The following NUP133 variants were observed in gnomAD, a reference collection of about 807,000 sequenced individuals.
NUP133 encodes the protein nucleoporin 133, also known as nuclear pore complex protein Nup133.
In NUP133, 66 loss-of-function variants were observed where a neutral mutation model predicts 146.2. That is an observed-to-expected ratio of 0.45 (90% CI 0.37 to 0.55). The LOEUF is 0.55. NUP133 is among the 20% of genes least tolerant of loss of function. The probability of loss-of-function intolerance (pLI) is 0.00; values close to 1 mark genes in which losing one functional copy is unlikely to be tolerated. For synonymous variants in NUP133, 521 were observed against 498.8 expected (o/e 1.04, Z -0.59); for missense variants, 1,277 against 1,374.8 (o/e 0.93, Z 1.12).
chr1:229,450,680 A>AGTC, intron 22 of NUP133, 75 bp from the exon 23 acceptor site: 2 of 684,556 alleles, frequency 2.9e-6, no homozygotes, highest in Non-Finnish European at 4.9e-6. Context: ...GGAGAAAAGA[A>AGTC]GTCATTATGT....
chr1:229,464,984 A>G (rs1660778998), intron 17 of NUP133, 109 bp from the exon 18 acceptor site: 1 of 1,300,356 alleles, frequency 7.7e-7, no homozygotes, highest in Non-Finnish European at 1.1e-6. Flanking sequence ...GGAAAATTAC[A>G]TTGAACAGGG....
chr1:229,476,013 C>T (rs892087710), intron 13 of NUP133, among the ~76,000 whole-genome samples: 2 of 151,284 alleles, frequency 1.3e-5, no homozygotes, highest in Non-Finnish European at 2.9e-5. Flanking sequence ...GAGGCTGAGG[C>T]AAGAGAATTG....
In NUP133 at chr1:229,448,816, G is replaced by C. The variant is rs535954465; in HGVS notation, c.3245+310C>G. The C allele has an allele frequency of 1.6e-4, 60 of 368,390 alleles. No individual in the cohort carries two copies. The South Asian group carries it at 1.7e-3, about 11-fold the overall frequency. The allele number at this position is 368,390 out of a possible 1,614,324, so 22.8% of individuals were successfully genotyped here. ...CAAATTAATCAAACCCAAGGAGGGG[G>C]TTGTGGGAACCCCAATTTATAGCTG... On this transcript the variant is annotated intron_variant, in intron 24 of 25. Coordinates refer to ENST00000261396, the MANE Select transcript of NUP133 (RefSeq NM_018230.3).
chr1:229,499,797 T>C lies in NUP133; in HGVS notation c.535A>G (p.Thr179Ala), dbSNP rs1661751540. Reference protein sequence around the residue: ...STQAVAVMVATREGSIRYWPS... With the variant: ...STQAVAVMVAAREGSIRYWPS... ...CAATAGCGGATAGATCCTTCTCTGG[T>C]GGCAACCATGACAGCAACAGCCTCA... Residue 179 changes from threonine (T) to alanine (A), a missense_variant, in exon 5 of 26, where the codon ACC (threonine) becomes GCC (alanine). Thr to Ala is a moderately conservative substitution (Grantham distance 58, BLOSUM62 0). Transcript: ENST00000261396. 1 of 1,613,720 alleles carries C rather than the reference T, an allele frequency of 6.2e-7. No homozygotes were observed. Among genetic ancestry groups the C allele is most frequent in the African/African-American group, 1.3e-5 (1 of 74,924 alleles).
chr1:229,458,240 C>T lies in NUP133; in HGVS notation c.2901G>A (p.Lys967=), dbSNP rs1157438933. 1.6e-5 allele frequency: 26 copies of T among 1,613,452 alleles called. No individual in the cohort carries two copies. The highest frequency in any genetic ancestry group is 1.9e-5 in the Non-Finnish European group (23 of 1,179,668). Residue 967 remains lysine, a synonymous_variant, in exon 21 of 26, where the codon AAG becomes AAA. Coordinates refer to ENST00000261396, the MANE Select transcript of NUP133 (RefSeq NM_018230.3). ...ATTTACTCAAGCCAAGAAGGGTTTTCTTCTTTGCAAAGTAACGAGTTTCCA... is the reference window on the plus strand; with the variant it reads ...ATTTACTCAAGCCAAGAAGGGTTTTTTTCTTTGCAAAGTAACGAGTTTCCA... The part of the protein sequence containing the change: ...ANMETRYFAK[K]KTLLGLSKLA...
intron 14 of NUP133, among the ~76,000 whole-genome samples, chr1:229,474,066 A>G (rs971342132): frequency 6.6e-6 from 1 of 152,264 alleles, no homozygotes; most frequent in Non-Finnish European, 1.5e-5. Context: ...TACAGCTTCT[A>G]TGTTCATCTG....
chr1:229,489,862 C>G (rs1661463386), intron 9 of NUP133, 93 bp downstream of exon 9: 2 of 1,208,536 alleles, frequency 1.7e-6, no homozygotes, highest in Non-Finnish European at 2.2e-6. Flanking sequence ...GGTGACAGAG[C>G]AAAACTCTTT....
At chr1:229,449,641 G>C (rs1427911935) in intron 23 of NUP133, among the ~76,000 whole-genome samples, 3 of 151,580 alleles carry the variant, frequency 2.0e-5, no homozygotes, top group Middle Eastern at 3.4e-3. Flanking sequence ...AAAGTGCTAG[G>C]ATTACAGGTG....
In NUP133 at chr1:229,464,822, C is replaced by T; in HGVS notation, c.2353G>A (p.Val785Ile). 6.2e-7 allele frequency: 1 copy of T among 1,614,204 alleles called. No homozygotes were observed. The highest frequency in any genetic ancestry group is 8.5e-7 in the Non-Finnish European group (1 of 1,180,042). ...RTVIIRQHEIVLKVAYPQADS... is the reference protein window; with the variant it reads ...RTVIIRQHEIILKVAYPQADS... ...GCCTGTGGATAAGCCACCTTCAGGA[C>T]AATCTCATGCTGGCGTATTATTACC... The change falls in exon 18 of 26, where the codon GTC becomes ATC. Residue 785 changes from valine to isoleucine, a missense_variant. Val to Ile is a conservative substitution (Grantham distance 29). This residue lies in a region of NUP133 where 952 missense variants were observed against 1,047.0 expected (regional missense o/e 0.91). Transcript: ENST00000261396.
rs371464001 is a variant in NUP133 at position 229,440,557 on chromosome 1, C to T, written c.*1347G>A. The T allele has an allele frequency of 1.3e-5, 2 of 152,278 alleles. No individual in the cohort carries two copies. Among genetic ancestry groups the T allele is most frequent in the East Asian group, 1.9e-4 (1 of 5,202 alleles). The allele number at this position is 152,278 out of a possible 1,614,324, so 9.4% of individuals were successfully genotyped here. A position where few individuals can be genotyped will look rare whatever the true frequency, so the allele number is the denominator to read the frequency against. On this transcript the variant is annotated 3_prime_UTR_variant, in exon 26 of 26. Coordinates refer to ENST00000261396, the MANE Select transcript of NUP133 (RefSeq NM_018230.3). ...GTGTGTCTCGCAGCACATTATCACC[C>T]GACAGGGTCCTACAGGTGAGACGTG...
At chr1:229,499,063 T>C (rs1661731021) in intron 5 of NUP133, 1 of 417,898 alleles carries the variant, frequency 2.4e-6, no homozygotes, top group African/African-American at 2.1e-5. Flanking sequence ...TATGCCCAGA[T>C]AATTTTTAAA....
At chr1:229,458,056 G>C in intron 21 of NUP133, 105 bp downstream of exon 21, 1 of 1,163,184 alleles carries the variant, frequency 8.6e-7, no homozygotes, top group South Asian at 1.8e-5. Flanking sequence ...TTAGAGACAG[G>C]TCCTGTTTCT....
chr1:229,473,016 C>T (rs929897205), intron 14 of NUP133, among the ~76,000 whole-genome samples: 4 of 152,008 alleles, frequency 2.6e-5, no homozygotes, highest in Admixed American at 1.3e-4. Flanking sequence ...CTTTGGGAAG[C>T]CTAGGCAAGA....
At chr1:229,504,989 CCAACA>C (rs1305651463) in intron 2 of NUP133, among the ~76,000 whole-genome samples, 14 of 152,134 alleles carry the variant, frequency 9.2e-5, no homozygotes, top group African/African-American at 3.4e-4. Context: ...TGAATGCGGT[CCAACA>C]CAAGTTTGTA....
chr1:229,453,904 A>C (rs186602907), intron 21 of NUP133, among the ~76,000 whole-genome samples: 6 of 146,952 alleles, frequency 4.1e-5, no homozygotes, highest in Admixed American at 3.4e-4. Context: ...TGTATTCATA[A>C]CCTGTCTTTT....
chr1:229,491,892 C>T (rs1441179433), intron 8 of NUP133, among the ~76,000 whole-genome samples: 1 of 152,202 alleles, frequency 6.6e-6, no homozygotes, highest in African/African-American at 2.4e-5. Context: ...CCAAACAGGG[C>T]AACCCTGTCT....
At chr1:229,503,834 T>C (rs923107468) in intron 2 of NUP133, among the ~76,000 whole-genome samples, 1 of 152,214 alleles carries the variant, frequency 6.6e-6, no homozygotes. Context: ...CTTTGTTTTA[T>C]ATATCCTAAT....
intron 12 of NUP133, among the ~76,000 whole-genome samples, chr1:229,482,143 G>A (rs1473690419): frequency 1.3e-5 from 2 of 152,140 alleles, no homozygotes; most frequent in African/African-American, 4.8e-5. Flanking sequence ...ATTTTAAACA[G>A]AAACAAAAAA....
chr1:229,471,704 T>C (rs937551537), intron 14 of NUP133, among the ~76,000 whole-genome samples: 2 of 152,200 alleles, frequency 1.3e-5, no homozygotes, highest in African/African-American at 4.8e-5. Flanking sequence ...ATGAATACTT[T>C]TTCACATTTT....
Sources: allele counts gnomAD v4.1 joint callset (sites outside exome capture counted in the v4.1 genomes callset), GRCh38; gene constraint gnomAD v4.1.1; regional missense constraint gnomAD v4.1.1; transcripts MANE v1.5; gene names NCBI Gene and HGNC (gene_info 2026-07-23, HGNC 2026-07-21).